GRM8: variants seen among roughly 807,000 people sequenced by gnomAD.
GRM8 encodes the protein metabotropic glutamate receptor 8.
In GRM8, 47 loss-of-function variants were observed where a neutral mutation model predicts 87.2. That is an observed-to-expected ratio of 0.54 (90% CI 0.43 to 0.69). GRM8 has a LOEUF of 0.69. GRM8 is among the 30% of genes least tolerant of loss of function. GRM8 has a pLI of 0.00. For missense variants in GRM8, 1,019 were observed against 1,139.2 expected (o/e 0.89, Z 1.52); for synonymous variants, 396 against 404.5 (o/e 0.98, Z 0.25).
chr7:127,082,340 G>A (rs1370399643), intron 3 of GRM8, among the ~76,000 whole-genome samples: 3 of 152,096 alleles, frequency 2.0e-5, no homozygotes, highest in African/African-American at 7.2e-5. Context: ...GGATTCAGGG[G>A]TGGGCTTCCT....
chr7:126,736,391 C>A (rs1403762577), intron 7 of GRM8, among the ~76,000 whole-genome samples: 2 of 152,074 alleles, frequency 1.3e-5, no homozygotes, highest in Non-Finnish European at 2.9e-5. Flanking sequence ...TAAACACAAT[C>A]TGCTGAAACA....
At chr7:127,231,002 T>C (rs1797655111) in intron 2 of GRM8, among the ~76,000 whole-genome samples, 1 of 152,210 alleles carries the variant, frequency 6.6e-6, no homozygotes, top group Non-Finnish European at 1.5e-5. Flanking sequence ...CTCGTGGTTA[T>C]TTTACAGGAT....
At chr7:127,232,187 G>GTGTGTGTGTA (rs1554616395) in intron 2 of GRM8, among the ~76,000 whole-genome samples, 9 of 94,784 alleles carry the variant, frequency 9.5e-5, no homozygotes, top group African/African-American at 2.6e-4. Context: ...TCTTCTTTGT[G>GTGTGTGTGTA]TGTGTGTGTG....
intron 3 of GRM8, among the ~76,000 whole-genome samples, chr7:126,999,784 G>A (rs919186900): frequency 5.9e-5 from 9 of 151,868 alleles, no homozygotes; most frequent in Middle Eastern, 3.4e-3. Context: ...GTACACTGTC[G>A]GTGAGAATGT....
At chr7:127,212,390 G>A (rs1050125127) in intron 2 of GRM8, among the ~76,000 whole-genome samples, 5 of 149,704 alleles carry the variant, frequency 3.3e-5, no homozygotes, top group African/African-American at 5.0e-5. Context: ...TGCTATATGA[G>A]CACACTAGGA....
chr7:126,662,758 C>T (rs1251825292), intron 7 of GRM8, among the ~76,000 whole-genome samples: 2 of 151,880 alleles, frequency 1.3e-5, no homozygotes. Context: ...AAGTGCCATC[C>T]AGTACAACAA....
intron 2 of GRM8, among the ~76,000 whole-genome samples, chr7:127,109,314 C>T (rs1237859539): frequency 6.6e-6 from 1 of 152,034 alleles, no homozygotes; most frequent in South Asian, 2.1e-4. Flanking sequence ...ATTATCAGTT[C>T]CCCCATCCTT....
In GRM8 at chr7:127,148,326, T is replaced by C. The variant is rs115455159; in HGVS notation, c.511-41614A>G. 4.7e-3 allele frequency among the ~76,000 whole-genome samples: 709 copies of C among 150,692 alleles called. 7 individuals carry two copies. The highest frequency in any genetic ancestry group is 0.016 in the African/African-American group (666 of 40,982). ...CCCCACACCAGAGCACCTAAATACATAAAGCAAATAATGGACACGGGGAAA... is the reference window on the plus strand; with the variant it reads ...CCCCACACCAGAGCACCTAAATACACAAAGCAAATAATGGACACGGGGAAA... On this transcript the variant is annotated intron_variant, in intron 2 of 10. Transcript: ENST00000339582.
intron 7 of GRM8, among the ~76,000 whole-genome samples, chr7:126,662,843 G>T (rs536589634): frequency 1.3e-5 from 2 of 152,300 alleles, no homozygotes; most frequent in East Asian, 3.9e-4. Flanking sequence ...GATGGATGGG[G>T]TGTTGCTCTA....
At chr7:126,600,849 G>C (rs1308507178) in intron 8 of GRM8, among the ~76,000 whole-genome samples, 1 of 151,996 alleles carries the variant, frequency 6.6e-6, no homozygotes, top group Admixed American at 6.6e-5. Flanking sequence ...CAAATACACA[G>C]CTTTAAAAAT....
chr7:126,999,343 G>T (rs1206592584), intron 3 of GRM8, among the ~76,000 whole-genome samples: 2 of 151,836 alleles, frequency 1.3e-5, no homozygotes, highest in Non-Finnish European at 3.0e-5. Flanking sequence ...AAGATTTTTT[G>T]AATAATACTG....
intron 3 of GRM8, among the ~76,000 whole-genome samples, chr7:126,932,107 C>T (rs1244145010): frequency 1.3e-5 from 2 of 152,214 alleles, no homozygotes; most frequent in East Asian, 3.9e-4. Flanking sequence ...ACTAGCATCT[C>T]TAAAAGATGG....
intron 8 of GRM8, among the ~76,000 whole-genome samples, chr7:126,555,188 G>A (rs1793007809): frequency 6.6e-6 from 1 of 152,240 alleles, no homozygotes; most frequent in South Asian, 2.1e-4. Context: ...TTAATCTGGT[G>A]CATGTGAATA....
chr7:127,098,425 C>A (rs1176879481), intron 3 of GRM8, among the ~76,000 whole-genome samples: 2 of 152,112 alleles, frequency 1.3e-5, no homozygotes, highest in African/African-American at 4.8e-5. Flanking sequence ...GAATCCATTT[C>A]AGTTACCAGA....
At chr7:126,563,700 A>T (rs1050836355) in intron 8 of GRM8, among the ~76,000 whole-genome samples, 2 of 152,214 alleles carry the variant, frequency 1.3e-5, no homozygotes, top group African/African-American at 4.8e-5. Flanking sequence ...ACAGTTCTCC[A>T]ACTGAACCAC....
At chr7:127,144,582 A>T (rs1828451161) in intron 2 of GRM8, among the ~76,000 whole-genome samples, 1 of 152,166 alleles carries the variant, frequency 6.6e-6, no homozygotes, top group South Asian at 2.1e-4. Context: ...AATCCAAACC[A>T]ATTTTTCAGC....
intron 7 of GRM8, among the ~76,000 whole-genome samples, chr7:126,679,548 T>G (rs1335332634): frequency 6.6e-6 from 1 of 152,146 alleles, no homozygotes; most frequent in Non-Finnish European, 1.5e-5. Flanking sequence ...ATATGCCAGA[T>G]AGTAAGGTAG....
intron 7 of GRM8, among the ~76,000 whole-genome samples, chr7:126,731,013 C>T (rs928897452): frequency 6.6e-6 from 1 of 151,990 alleles, no homozygotes; most frequent in African/African-American, 2.4e-5. Flanking sequence ...ACAAATTATA[C>T]ATGTTTTAAG....
chr7:126,476,615 T>C (rs1423548644), intron 9 of GRM8, among the ~76,000 whole-genome samples: 1 of 152,080 alleles, frequency 6.6e-6, no homozygotes, highest in African/African-American at 2.4e-5. Context: ...AAAGAGGATA[T>C]ACAAATGACC....
Sources: allele counts gnomAD v4.1 joint callset (sites outside exome capture counted in the v4.1 genomes callset), GRCh38; gene constraint gnomAD v4.1.1; transcripts MANE v1.5; gene names NCBI Gene and HGNC (gene_info 2026-07-23, HGNC 2026-07-21).